BCAR1: variants seen among roughly 807,000 people sequenced by gnomAD.
BCAR1 encodes BCAR1 scaffold protein, Cas family member.
A neutral mutation model predicts 67.6 loss-of-function variants in BCAR1; 30 were observed. That is an observed-to-expected ratio of 0.44 (90% CI 0.33 to 0.60). The LOEUF (loss-of-function observed/expected upper bound fraction) is 0.60, where lower values mean the gene tolerates loss of function less well. Ranked by LOEUF, BCAR1 falls within the 20% of genes least tolerant of loss-of-function variation. The pLI is 0.02. For missense variants in BCAR1, 1,313 were observed against 1,222.3 expected, an observed-to-expected ratio of 1.07 and a Z score of -1.11; for synonymous variants, 626 against 556.7, an observed-to-expected ratio of 1.12 and a Z score of -1.75.
chr16:75,253,987 G>C (rs1442388858), upstream of BCAR1, among the ~76,000 whole-genome samples: 1 of 143,518 alleles, frequency 7.0e-6, no homozygotes, highest in Non-Finnish European at 1.5e-5. Context: ...TTTTTTTTGA[G>C]ATGGGGTTTC....
chr16:75,236,087 TACAGACACACAC>T (rs1267765145), intron 4 of BCAR1, 101 bp from the exon 5 acceptor site: 15 of 1,405,438 alleles, frequency 1.1e-5, no homozygotes, highest in African/African-American at 1.4e-5. Context: ...CGTACACACA[TACAGACACACAC>T]ACAGAGGCAC....
intron 2 of BCAR1, among the ~76,000 whole-genome samples, chr16:75,239,730 G>C (rs146321658): frequency 0.015 from 2,220 of 152,200 alleles, 29 homozygotes; most frequent in Non-Finnish European, 0.019. Context: ...GGGCTCACCC[G>C]ACCTGGGTCA....
At chr16:75,252,831 C>T (rs1198504205), upstream of BCAR1, among the ~76,000 whole-genome samples, 3 of 152,188 alleles carry the variant, frequency 2.0e-5, no homozygotes, top group East Asian at 5.8e-4. Flanking sequence ...CTTGGCAGGC[C>T]CTCTCCCCTC....
At chr16:75,247,192 T>A (rs2077545152) in intron 1 of BCAR1, 1 of 153,450 alleles carries the variant, frequency 6.5e-6, no homozygotes, top group Admixed American at 6.5e-5. Context: ...CAAGTCTACC[T>A]CCTTCAGAAG....
chr16:75,263,828 T>A (rs891752919), intron 1 of BCAR1: 2 of 988,418 alleles, frequency 2.0e-6, no homozygotes, highest in Admixed American at 1.2e-4. Context: ...TCTGGAAGCC[T>A]CCGCAGGGCC....
intron 1 of BCAR1, chr16:75,263,759 G>A (rs1449015662): frequency 2.0e-6 from 2 of 986,202 alleles, no homozygotes; most frequent in South Asian, 4.7e-5. Flanking sequence ...AAACCCAGAC[G>A]TGTCCCTGAG....
intron 1 of BCAR1, chr16:75,247,817 C>T: frequency 3.6e-6 from 2 of 560,340 alleles, no homozygotes; most frequent in Non-Finnish European, 6.4e-6. Flanking sequence ...GCAAATATGA[C>T]CTCAGCACCC....
Position 75,231,904 on chromosome 16 carries a change from G to C in BCAR1, c.2101-1881C>G, listed in dbSNP as rs570316798. ...TCAGGAGGTTTTTTGTTTTTGAGAC[G>C]GAGTTTCGCTCTTGTTGCCCAGGCT... is the stretch of plus-strand genomic sequence containing the variant. On this transcript the variant is annotated intron_variant, in intron 6 of 6. Transcript: ENST00000162330. Among the ~76,000 whole-genome samples the C allele has an allele frequency of 1.8e-4, 28 of 152,258 alleles. 1 individual carries two copies. Among genetic ancestry groups the C allele is most frequent in the Admixed American group, 1.6e-3 (25 of 15,296 alleles).
intron 1 of BCAR1, among the ~76,000 whole-genome samples, chr16:75,259,755 G>A (rs866327867): frequency 4.0e-5 from 6 of 151,452 alleles, no homozygotes; most frequent in African/African-American, 1.5e-4. Flanking sequence ...GGGAGGCTGA[G>A]GCAGGAGAAT....
chr16:75,239,138 C>A, intron 2 of BCAR1: 1 of 981,134 alleles, frequency 1.0e-6, no homozygotes, highest in South Asian at 4.7e-5. Flanking sequence ...AACGCAGCCA[C>A]CAGGGGGAAA....
At chr16:75,262,258 C>A (rs1434851395) in intron 1 of BCAR1, among the ~76,000 whole-genome samples, 1 of 152,230 alleles carries the variant, frequency 6.6e-6, no homozygotes, top group Non-Finnish European at 1.5e-5. Flanking sequence ...ACTCCTGGGG[C>A]CACATACTCA....
Position 75,233,899 on chromosome 16 carries a change from G to C in BCAR1, c.2047C>G (p.Leu683Val), listed in dbSNP as rs1165115821. Residue 683 changes from leucine to valine, a missense_variant, in exon 6 of 7, where the codon CTG (leucine) becomes GTG (valine). Transcript: ENST00000162330. ...EEFEKTQKEL[L>V]EKGSITRQGK... ...TGCCGCGTGATGCTGCCCTTTTCCA[G>C]CAGCTCCTTCTGGGTCTTCTCAAAC... The C allele has an allele frequency of 6.2e-7, 1 of 1,610,832 alleles. No homozygotes were observed. The highest frequency in any genetic ancestry group is 8.5e-7 in the Non-Finnish European group (1 of 1,178,690).
At chr16:75,234,727 C>T (rs2077038434) in intron 5 of BCAR1, among the ~76,000 whole-genome samples, 162 bp downstream of exon 5, 2 of 152,238 alleles carry the variant, frequency 1.3e-5, no homozygotes, top group African/African-American at 4.8e-5. Context: ...GATGACATGG[C>T]CACCCTAGCA....
upstream of BCAR1, chr16:75,256,056 ACTGT>A (rs1452924984): frequency 6.6e-6 from 1 of 152,320 alleles, no homozygotes; most frequent in African/African-American, 2.4e-5. Flanking sequence ...AGGTGAACCT[ACTGT>A]CACACACAGA....
chr16:75,235,863 G>A lies in BCAR1; in HGVS notation c.1036C>T (p.Leu346=). The change falls in exon 5 of 7, where the codon CTG becomes TTG. Residue 346 remains leucine, a synonymous_variant. Transcript: ENST00000162330. ...AKPFDPARTP[L]VLAAPPPDSP... ...TCTGGAGGGGGCGCAGCCAGTACCA[G>A]TGGGGTGCGGGCCGGGTCAAAGGGC... The A allele has an allele frequency of 6.4e-7, 1 of 1,565,726 alleles. No homozygotes were observed. The highest frequency in any genetic ancestry group is 1.2e-5 in the South Asian group (1 of 86,100).
In BCAR1 at chr16:75,237,245, GC is replaced by G; in HGVS notation, c.732del (p.Pro245HisfsTer68). 3 of 1,535,436 alleles carry G rather than the reference GC, an allele frequency of 2.0e-6. No individual in the cohort carries two copies. The highest frequency in any genetic ancestry group is 1.2e-5 in the South Asian group (1 of 80,238). On this transcript the variant is annotated frameshift_variant, in exon 3 of 7. Transcript: ENST00000162330. LOFTEE classifies it high-confidence loss of function. ...YDIPRHLLAP[G>X]PQDIYDVPPV... ...GGGGGCACATCATAGATGTCCTGTG[GC>G]CCCGGGGCCAGCAGGTGTCGCGGGA...
intron 1 of BCAR1, chr16:75,249,860 G>T (rs1293072587): frequency 2.0e-5 from 3 of 152,278 alleles, no homozygotes; most frequent in Non-Finnish European, 4.4e-5. Context: ...TGGGAATTCG[G>T]AGGCCACATG....
rs1325175506 is a variant in BCAR1 at position 75,236,967 on chromosome 16, C to T, written c.827G>A (p.Gly276Asp). ...CAGCAACGGGTCTCGGCCATTGGGA[C>T]CCTTGACAGCCATGGGGGGTGTGTC... Reference protein sequence around the residue: ...VYDTPPMAVKGPNGRDPLLEV... With the variant: ...VYDTPPMAVKDPNGRDPLLEV... Residue 276 changes from glycine to aspartate, a missense_variant, in exon 4 of 7, where the codon GGT (glycine) becomes GAT (aspartate). Coordinates refer to ENST00000162330, the MANE Select transcript of BCAR1 (RefSeq NM_014567.5). 10 of 1,609,290 alleles carry T rather than the reference C, an allele frequency of 6.2e-6. No homozygotes were observed. The Admixed American group carries it at 6.7e-5, about 11-fold the overall frequency.
Position 75,242,671 on chromosome 16 carries a change from C to A in BCAR1, c.432G>T (p.Gln144His). 2 of 1,532,762 alleles carry A rather than the reference C, an allele frequency of 1.3e-6. No homozygotes were observed. Among genetic ancestry groups the A allele is most frequent in the Admixed American group, 2.1e-5 (1 of 47,616 alleles). The allele number at this position is 1,532,762 out of a possible 1,614,324, so 94.9% of individuals were successfully genotyped here. The change falls in exon 2 of 7, where the codon CAG becomes CAT. Residue 144 changes from glutamine to histidine, a missense_variant. By Grantham distance (24) the Gln-to-His change is conservative. Transcript: ENST00000162330. ...SPQFQSPPAKQTSTFSKQTPH... is the reference protein window; with the variant it reads ...SPQFQSPPAKHTSTFSKQTPH... ...GTGTCTGCTTCGAGAAGGTGGATGT[C>A]TGCTTGGCTGGGGGAGACTGGAACT...
Sources: gnomAD v4.1 joint callset for allele counts (sites outside exome capture counted in the v4.1 genomes callset) on GRCh38, gnomAD v4.1.1 for gene constraint, MANE v1.5 for transcripts, NCBI Gene and HGNC (gene_info 2026-07-23, HGNC 2026-07-21) for gene names.